GPSM1: variants seen among roughly 807,000 people sequenced by gnomAD.
GPSM1 encodes the protein G protein signaling modulator 1.
GPSM1 carries 48 observed loss-of-function variants against 70.5 expected under a neutral mutation model. The ratio of observed to expected loss-of-function variants is 0.68; its 90% confidence interval spans 0.54 to 0.87. The LOEUF is 0.87. Among genes scored for constraint, GPSM1 ranks in the 40% least tolerant of loss-of-function variants. The probability of loss-of-function intolerance (pLI) is 0.00; values close to 1 mark genes in which losing one functional copy is unlikely to be tolerated. For missense variants in GPSM1, 981 were observed against 972.6 expected (o/e 1.01, Z -0.11); for synonymous variants, 416 against 430.1 (o/e 0.97, Z 0.41).
rs546892100 is a variant in GPSM1 at position 136,337,472 on chromosome 9, G to A, written c.610G>A (p.Asp204Asn). ...CCTGTCCCTGGTGAAGGAGCTGGGC[G>A]ACCGTGCGGCGCAGGGCAGGGCCTA... ...RNLSLVKELG[D>N]RAAQGRAYGN... is the part of the protein sequence containing the mutation. The change falls in exon 5 of 14, where the codon GAC becomes AAC. Residue 204 changes from aspartate (D) to asparagine (N), a missense_variant. Asp to Asn is a conservative substitution (Grantham distance 23). Coordinates refer to ENST00000440944, the MANE Select transcript of GPSM1 (RefSeq NM_001145638.3). 26 of 1,568,338 alleles carry A rather than the reference G, an allele frequency of 1.7e-5. No homozygotes were observed. The African/African-American group carries it at 2.0e-4, about 12-fold the overall frequency.
intron 1 of GPSM1, among the ~76,000 whole-genome samples, chr9:136,330,987 C>A (rs1488564587): frequency 6.6e-6 from 1 of 152,136 alleles, no homozygotes; most frequent in Non-Finnish European, 1.5e-5. Context: ...AGGAGAGAGC[C>A]CAGGGCCTGA....
intron 9 of GPSM1, among the ~76,000 whole-genome samples, chr9:136,346,712 T>C (rs1554771325): frequency 6.6e-6 from 1 of 152,178 alleles, no homozygotes; most frequent in Non-Finnish European, 1.5e-5. Flanking sequence ...CTCGGGCCCA[T>C]TTCCTCCCTC....
In GPSM1 at chr9:136,358,082, C is replaced by G. The variant is rs3812548; in HGVS notation, c.1890C>G (p.Asp630Glu). Residue 630 changes from aspartate (D) to glutamate (E), a missense_variant, in exon 14 of 14, where the codon GAC (aspartate) becomes GAG (glutamate). Transcript: ENST00000440944. ...TGCCCCGGGGCCCTACCATGCCGGA[C>G]GAGGACTTCTTCAGCCTCATTCAGA... is the stretch of plus-strand genomic sequence containing the variant. ...DVLPRGPTMP[D>E]EDFFSLIQRV... 6.2e-7 allele frequency: 1 copy of G among 1,612,620 alleles called. No homozygotes were observed. The highest frequency in any genetic ancestry group is 2.2e-5 in the East Asian group (1 of 44,888).
chr9:136,347,293 C>T, intron 9 of GPSM1, among the ~76,000 whole-genome samples: 1 of 152,282 alleles, frequency 6.6e-6, no homozygotes, highest in East Asian at 1.9e-4. Flanking sequence ...CCACTGATGC[C>T]AGGGCTGGTT....
chr9:136,348,428 C>T (rs982780145), intron 9 of GPSM1, among the ~76,000 whole-genome samples: 25 of 152,204 alleles, frequency 1.6e-4, no homozygotes, highest in African/African-American at 5.1e-4. Context: ...TGTCCAGAGC[C>T]GGGCCCTTCC....
chr9:136,354,119 TC>T (rs1832746931), intron 11 of GPSM1, among the ~76,000 whole-genome samples: 1 of 152,098 alleles, frequency 6.6e-6, no homozygotes, highest in African/African-American at 2.4e-5. Context: ...ACCTCAGGCT[TC>T]CGTGACAGCT....
rs1832357182 is a variant in GPSM1 at position 136,340,383 on chromosome 9, C to T, written c.1084-487C>T. Among the ~76,000 whole-genome samples, 2 of 152,046 alleles carry T rather than the reference C, an allele frequency of 1.3e-5. No individual in the cohort carries two copies. Among genetic ancestry groups the T allele is most frequent in the South Asian group, 4.1e-4 (2 of 4,822 alleles). On this transcript the variant is annotated intron_variant, in intron 8 of 13. Transcript: ENST00000440944. The surrounding 1 kb of genome is among the most constrained non-coding windows in gnomAD (Gnocchi z 7.3). ...GCCAGCAGGCAGCCCCCGTGTCCCT[C>T]TGAGTGCAGGCTACAGCCTCCAGGG...
Position 136,341,214 on chromosome 9 carries a change from G to A in GPSM1, c.1207+221G>A. On this transcript the variant is annotated intron_variant, in intron 9 of 13. Transcript: ENST00000440944. This position sits in a 1 kb window ranked among gnomAD's most constrained non-coding sequence, Gnocchi z 6.7. The stretch of plus-strand genomic sequence containing the variant: ...TCCTGAGTGGCGCTGCAGGGCTGCT[G>A]GATGAAGGACAGGAGGTGGTCGCCT... The A allele has an allele frequency of 6.5e-7, 1 of 1,533,984 alleles. No homozygotes were observed. Among genetic ancestry groups the A allele is most frequent in the Non-Finnish European group, 8.8e-7 (1 of 1,138,000 alleles).
intron 11 of GPSM1, among the ~76,000 whole-genome samples, chr9:136,354,199 G>A (rs142037532): frequency 2.8e-3 from 419 of 152,322 alleles, no homozygotes; most frequent in African/African-American, 9.6e-3. Flanking sequence ...CAGGGCCCTC[G>A]GCTCAGCTCA....
At chr9:136,334,836 C>T (rs930229574) in intron 2 of GPSM1, among the ~76,000 whole-genome samples, 168 bp downstream of exon 2, 2 of 149,580 alleles carry the variant, frequency 1.3e-5, no homozygotes, top group African/African-American at 2.5e-5. Flanking sequence ...TGAGTGGGGA[C>T]GGCCCTGCTG....
intron 13 of GPSM1, 32 bp from the exon 14 acceptor site, chr9:136,357,982 G>A (rs782517809): frequency 1.9e-6 from 3 of 1,578,074 alleles, no homozygotes; most frequent in African/African-American, 2.7e-5. Flanking sequence ...GGCTGGGGGG[G>A]TGAGGCCGCC....
rs1240648492 is a variant in GPSM1 at position 136,342,396 on chromosome 9, G to A, written c.1207+1403G>A. Among the ~76,000 whole-genome samples, 1 of 152,200 alleles carries A rather than the reference G, an allele frequency of 6.6e-6. No individual in the cohort carries two copies. The highest frequency in any genetic ancestry group is 1.9e-4 in the East Asian group (1 of 5,190). The stretch of plus-strand genomic sequence containing the variant: ...GCCAAGGAAAAGGGGGGCCGGAGTG[G>A]GAGGACGCTGGAACAATGCAGCTTC... On this transcript the variant is annotated intron_variant, in intron 9 of 13. Coordinates refer to ENST00000440944, the MANE Select transcript of GPSM1 (RefSeq NM_001145638.3). The surrounding 1 kb of genome is among the most constrained non-coding windows in gnomAD (Gnocchi z 5.5).
At chr9:136,344,832 T>C (rs1554770996) in intron 9 of GPSM1, among the ~76,000 whole-genome samples, 6 of 152,156 alleles carry the variant, frequency 3.9e-5, no homozygotes. Context: ...GAGGGCCTCG[T>C]GGGCCCTTGT....
intron 11 of GPSM1, among the ~76,000 whole-genome samples, chr9:136,354,234 T>G (rs1832749826): frequency 6.6e-6 from 1 of 152,218 alleles, no homozygotes; most frequent in Non-Finnish European, 1.5e-5. Flanking sequence ...AGCTCTTTTT[T>G]GCTCCAGCAT....
chr9:136,338,073 C>T (rs1832292833), intron 6 of GPSM1, 112 bp downstream of exon 6: 1 of 710,694 alleles, frequency 1.4e-6, no homozygotes, highest in Admixed American at 2.6e-5. Context: ...CTCCCCTCCC[C>T]AGAAGGCAAG....
At chr9:136,349,378 C>T (rs1050025202) in intron 10 of GPSM1, among the ~76,000 whole-genome samples, 30 of 152,358 alleles carry the variant, frequency 2.0e-4, no homozygotes, top group South Asian at 4.1e-4. Flanking sequence ...CTGACATTTG[C>T]GGGGGCCACT....
chr9:136,332,691 G>A (rs892565072), intron 1 of GPSM1, among the ~76,000 whole-genome samples: 2 of 152,124 alleles, frequency 1.3e-5, no homozygotes, highest in Admixed American at 6.5e-5. Context: ...CGTGGCATCC[G>A]GATGGCCATT....
At chr9:136,327,799 TGGGACC>T in intron 1 of GPSM1, 36 bp downstream of exon 1, 2 of 913,762 alleles carry the variant, frequency 2.2e-6, no homozygotes, top group Non-Finnish European at 2.8e-6. Flanking sequence ...GGGCCGGGGC[TGGGACC>T]GGACCGGGCC....
chr9:136,341,165 C>T lies in GPSM1; in HGVS notation c.1207+172C>T, dbSNP rs553172762. ...TCAGGGACAGCACAGGCCTGAGGTT[C>T]ACCCTGAGCCCTTCCCACCCGCATC... On this transcript the variant is annotated intron_variant, in intron 9 of 13. Transcript: ENST00000440944. This position sits in a 1 kb window ranked among gnomAD's most constrained non-coding sequence, Gnocchi z 6.7. The T allele has an allele frequency of 2.6e-6, 4 of 1,549,312 alleles. No individual in the cohort carries two copies. The highest frequency in any genetic ancestry group is 1.4e-5 in the African/African-American group (1 of 73,122).
Sources: gnomAD v4.1 joint callset for allele counts (sites outside exome capture counted in the v4.1 genomes callset) on GRCh38, gnomAD v4.1.1 for gene constraint, Gnocchi (gnomAD v3.1) non-coding constraint, MANE v1.5 for transcripts, NCBI Gene and HGNC (gene_info 2026-07-23, HGNC 2026-07-21) for gene names.